ZNF577: variants seen among roughly 807,000 people sequenced by gnomAD.
ZNF577 encodes the protein zinc finger protein 577.
Under a neutral mutation model 13.9 loss-of-function variants are expected in ZNF577, and 14 were observed. The observed-to-expected ratio is 1.00, with a 90% CI of 0.66 to 1.57. ZNF577 has a LOEUF of 1.57. Among genes scored for constraint, ZNF577 ranks in the 40% most tolerant of loss-of-function variants. The pLI is 0.00. For synonymous variants in ZNF577, 203 were observed against 202.9 expected, an observed-to-expected ratio of 1.00 and a Z score of 0.00; for missense variants, 555 against 579.2, an observed-to-expected ratio of 0.96 and a Z score of 0.43.
chr19:51,841,149 G>A (rs956670803), intron 8 of ZNF577, among the ~76,000 whole-genome samples: 31 of 152,184 alleles, frequency 2.0e-4, no homozygotes, highest in African/African-American at 6.8e-4. Flanking sequence ...ATTCTGCTGG[G>A]AGAAAGTGCA....
At chr19:51,842,197 T>C (rs897067146) in intron 8 of ZNF577, among the ~76,000 whole-genome samples, 1 of 152,146 alleles carries the variant, frequency 6.6e-6, no homozygotes, top group African/African-American at 2.4e-5. Context: ...TAGGCAAGAA[T>C]CTCAACCAGA....
At chr19:51,819,121 C>T (rs560732017) in intron 9 of ZNF577, among the ~76,000 whole-genome samples, 1 of 152,180 alleles carries the variant, frequency 6.6e-6, no homozygotes, top group African/African-American at 2.4e-5. Context: ...ACATTTAGAG[C>T]TTTAATAACT....
exon 9 of ZNF577, chr19:51,839,999 G>C (rs17757075): frequency 0.066 from 10,059 of 152,254 alleles, 466 homozygotes; most frequent in Non-Finnish European, 0.099. Flanking sequence ...TAGCACCTTC[G>C]CGGAACACAA....
rs78036460 is a variant in ZNF577, at chr19:51,855,025, T to A, written c.284-10094A>T. ...CATAGTTAACATAGCTGACTTTTAATCTTTGCATATTAAGTCTGACATATG... is the reference window on the plus strand; with the variant it reads ...CATAGTTAACATAGCTGACTTTTAAACTTTGCATATTAAGTCTGACATATG... On this transcript the variant is annotated intron_variant and NMD_transcript_variant, in intron 5 of 10. Transcript: ENST00000638827. Among the ~76,000 whole-genome samples, 1,437 of 152,328 alleles carry A rather than the reference T, an allele frequency of 9.4e-3. 26 individuals are homozygous for A. Among genetic ancestry groups the A allele is most frequent in the African/African-American group, 0.031 (1,305 of 41,564 alleles).
Position 51,810,120 on chromosome 19 carries a change from AAC to A in ZNF577, c.*817+1335_*817+1336del, listed in dbSNP as rs148294476. On this transcript the variant is annotated intron_variant and NMD_transcript_variant, in intron 10 of 10. Transcript: ENST00000638827. ...AAATGTCCAGGTTTTTCACAATTAT[AAC>A]ATTTTCCCACTTTAGGGTTTGACCC... 2.0e-4 allele frequency among the ~76,000 whole-genome samples: 31 copies of A among 152,280 alleles called. No homozygotes were observed. In the East Asian group the frequency reaches 5.4e-3, roughly 27 times the overall value.
At position 51,874,539 on chromosome 19, in the gene ZNF577, G is replaced by C. The variant is rs968953141; in HGVS notation, c.284-833C>G. On this transcript the variant is annotated intron_variant, in intron 5 of 5. Coordinates refer to ENST00000638348, the MANE Select transcript of ZNF577 (RefSeq NM_001370449.1). ...GGTTTACCCGGAATATCCTGAGCTT[G>C]AGTGAAGTAGAAATACAAAAGTTTG... is the stretch of plus-strand genomic sequence containing the variant. Among the ~76,000 whole-genome samples the C allele has an allele frequency of 6.6e-5, 10 of 152,074 alleles. No individual in the cohort carries two copies. The South Asian group carries it at 1.7e-3, about 25-fold the overall frequency.
chr19:51,859,048 A>C (rs114794564), intron 5 of ZNF577, among the ~76,000 whole-genome samples: 1,613 of 152,226 alleles, frequency 0.011, 26 homozygotes, highest in African/African-American at 0.034. Context: ...TTATTTCTCT[A>C]TAGATTTACC....
chr19:51,818,950 A>G (rs2084166958), intron 9 of ZNF577, among the ~76,000 whole-genome samples: 1 of 152,222 alleles, frequency 6.6e-6, no homozygotes, highest in African/African-American at 2.4e-5. Flanking sequence ...ACCAGGAACA[A>G]ACTATCTGCA....
Position 51,872,511 on chromosome 19 carries a change from A to C in ZNF577, c.*21T>G. ...GAGGATTCCTACTAAAGATTTTCCC[A>C]CCTTTCTGGTATCAGAAGATTTATT... On this transcript the variant is annotated 3_prime_UTR_variant, in exon 6 of 6. Coordinates refer to ENST00000638348, the MANE Select transcript of ZNF577 (RefSeq NM_001370449.1). 6.6e-7 allele frequency: 1 copy of C among 1,511,926 alleles called. No individual in the cohort carries two copies. The highest frequency in any genetic ancestry group is 1.3e-5 in the South Asian group (1 of 76,030). The allele number at this position is 1,511,926 out of a possible 1,614,324, so 93.7% of individuals were successfully genotyped here. A position where few individuals can be genotyped will look rare whatever the true frequency, so the allele number is the denominator to read the frequency against.
At chr19:51,845,153 T>G (rs2084343814) in intron 5 of ZNF577, among the ~76,000 whole-genome samples, 1 of 152,184 alleles carries the variant, frequency 6.6e-6, no homozygotes, top group Non-Finnish European at 1.5e-5. Flanking sequence ...CTTGCCATAT[T>G]TTTGTGGTGT....
At position 51,869,945 on chromosome 19, in the gene ZNF577, G is replaced by A. The variant is rs113698945; in HGVS notation, c.*2587C>T. Among the ~76,000 whole-genome samples the A allele has an allele frequency of 8.9e-4, 135 of 152,242 alleles. 1 individual carries two copies. Among genetic ancestry groups the A allele is most frequent in the African/African-American group, 2.7e-3 (113 of 41,532 alleles). On this transcript the variant is annotated 3_prime_UTR_variant, in exon 6 of 6. Transcript: ENST00000638348. ...AGAAGGCAAAGAGGGGCTAAACACC[G>A]GGTAGACTACACTGCACAAATTCAG...
chr19:51,860,977 C>A lies in ZNF577; in HGVS notation c.284-16046G>T, dbSNP rs1252206712. The A allele has an allele frequency of 1.2e-5, 5 of 428,190 alleles. No individual in the cohort carries two copies. The Admixed American group carries it at 1.4e-4, about 12-fold the overall frequency. The allele number at this position is 428,190 out of a possible 1,614,324, so 26.5% of individuals were successfully genotyped here. ...GTAGGGTCCTTCTCCTGAATGAATA[C>A]CCTAATGTGTAACAAATATAATTTG... On this transcript the variant is annotated intron_variant and NMD_transcript_variant, in intron 5 of 10. Transcript: ENST00000638827.
At chr19:51,882,320 C>T (rs531219785) in intron 1 of ZNF577, among the ~76,000 whole-genome samples, 5 of 150,394 alleles carry the variant, frequency 3.3e-5, no homozygotes, top group Admixed American at 1.3e-4. Flanking sequence ...GCAATGTAAC[C>T]GAGAAGGGCA....
At chr19:51,837,259 G>A (rs1397109880) in intron 9 of ZNF577, among the ~76,000 whole-genome samples, 4 of 151,640 alleles carry the variant, frequency 2.6e-5, no homozygotes, top group Non-Finnish European at 4.4e-5. Flanking sequence ...CTATGTTGAT[G>A]CCAAGAAAGA....
chr19:51,819,996 G>A (rs1488811301), intron 9 of ZNF577, among the ~76,000 whole-genome samples: 1 of 152,156 alleles, frequency 6.6e-6, no homozygotes, highest in East Asian at 1.9e-4. Flanking sequence ...GGAAAAAGAA[G>A]TCTTTATTCA....
intron 6 of ZNF577, chr19:51,844,682 T>C (rs1288576279): frequency 6.6e-6 from 1 of 152,244 alleles, no homozygotes; most frequent in Non-Finnish European, 1.5e-5. Flanking sequence ...AGTGTACTTA[T>C]ATTCATTTTT....
At chr19:51,850,688 T>C (rs1222557572) in intron 5 of ZNF577, among the ~76,000 whole-genome samples, 1 of 152,218 alleles carries the variant, frequency 6.6e-6, no homozygotes, top group Non-Finnish European at 1.5e-5. Flanking sequence ...ATCATGGGTA[T>C]CCCCAAATTT....
intron 9 of ZNF577, among the ~76,000 whole-genome samples, chr19:51,814,749 T>C (rs1286371242): frequency 1.3e-5 from 2 of 152,132 alleles, no homozygotes; most frequent in African/African-American, 4.8e-5. Flanking sequence ...CACCTCGGCC[T>C]CCCAAAGTGC....
chr19:51,843,623 T>TTATGTATATGTATACA (rs1449199232), intron 6 of ZNF577, among the ~76,000 whole-genome samples: 6 of 152,204 alleles, frequency 3.9e-5, no homozygotes, highest in Admixed American at 6.5e-5. Context: ...ATTATACATA[T>TTATGTATATGTATACA]TACAATAAAA....
Sources: allele counts gnomAD v4.1 joint callset (sites outside exome capture counted in the v4.1 genomes callset), GRCh38; gene constraint gnomAD v4.1.1; transcripts MANE v1.5; gene names NCBI Gene and HGNC (gene_info 2026-07-23, HGNC 2026-07-21).